The following DAGLA variants were observed in gnomAD, a reference collection of about 807,000 sequenced individuals.
The protein encoded by DAGLA is diacylglycerol lipase-alpha.
In DAGLA, 22 loss-of-function variants were observed where a neutral mutation model predicts 102.6. The ratio of observed to expected loss-of-function variants is 0.21; its 90% confidence interval spans 0.15 to 0.31. DAGLA has a LOEUF of 0.31. Ranked by LOEUF, DAGLA falls within the 10% of genes least tolerant of loss-of-function variation. DAGLA has a pLI of 1.00. For synonymous variants in DAGLA, 578 were observed against 628.9 expected (o/e 0.92, Z 1.21); for missense variants, 927 against 1,446.6 (o/e 0.64, Z 5.83).
intron 1 of DAGLA, among the ~76,000 whole-genome samples, chr11:61,719,278 G>A (rs945499072): frequency 6.6e-6 from 1 of 152,178 alleles, no homozygotes; most frequent in South Asian, 2.1e-4. Context: ...AGCTGGAAAA[G>A]CTGCATGGCT....
At chr11:61,724,678 G>T (rs905177259) in intron 5 of DAGLA, among the ~76,000 whole-genome samples, 5 of 152,124 alleles carry the variant, frequency 3.3e-5, no homozygotes, top group African/African-American at 9.7e-5. Flanking sequence ...CTGTGGCCAC[G>T]TCCCAGCCCA....
intron 1 of DAGLA, among the ~76,000 whole-genome samples, chr11:61,692,027 A>G (rs1253995114): frequency 6.6e-6 from 1 of 152,140 alleles, no homozygotes; most frequent in Non-Finnish European, 1.5e-5. Context: ...CCAGATGTGC[A>G]TTTCTAACAA....
rs552828851 is a variant in DAGLA at position 61,744,431 on chromosome 11, C to T, written c.3071C>T (p.Pro1024Leu). 18 of 1,603,488 alleles carry T rather than the reference C, an allele frequency of 1.1e-5. No homozygotes were observed. In the African/African-American group the frequency reaches 2.0e-4, roughly 18 times the overall value. ...LAADKIRTST[P>L]TGHGASPAKQ... The stretch of plus-strand genomic sequence containing the variant: ...GCTGACAAGATCCGGACTTCTACCC[C>T]CACTGGCCACGGAGCCAGCCCCGCC... Residue 1024 changes from proline (P) to leucine (L), a missense_variant, in exon 20 of 20, where the codon CCC (proline) becomes CTC (leucine). Pro to Leu is a moderately conservative substitution (Grantham distance 98). Transcript: ENST00000257215.
chr11:61,714,123 G>A (rs894944474), intron 1 of DAGLA, among the ~76,000 whole-genome samples: 3 of 152,176 alleles, frequency 2.0e-5, no homozygotes, highest in African/African-American at 7.2e-5. Flanking sequence ...TAGCAACCGT[G>A]GGGGCCCTTA....
chr11:61,695,049 C>T lies in DAGLA; in HGVS notation c.-45+14545C>T, dbSNP rs570350062. ...GCCCCACGGGCCCTCTCTGTGTACT[C>T]GCAAGCGTGTTTTTCCTAGCCCAGG... is the stretch of plus-strand genomic sequence containing the variant. On this transcript the variant is annotated intron_variant, in intron 1 of 19. Coordinates refer to ENST00000257215, the MANE Select transcript of DAGLA (RefSeq NM_006133.3). 2.6e-5 allele frequency among the ~76,000 whole-genome samples: 4 copies of T among 152,312 alleles called. No individual in the cohort carries two copies. In the South Asian group the frequency reaches 8.3e-4, roughly 32 times the overall value.
Position 61,737,327 on chromosome 11 carries a change from G to T in DAGLA, c.1514+3G>T, listed in dbSNP as rs768318017. ...TCCCCGCCAGGGGGCCTGCTGAGGT[G>T]AGCCATCTGGGGCTTCAGAGTTGGC... On this transcript the variant is annotated splice_donor_region_variant and intron_variant, in intron 14 of 19. Transcript: ENST00000257215. 6.2e-7 allele frequency: 1 copy of T among 1,609,968 alleles called. No homozygotes were observed. Among genetic ancestry groups the T allele is most frequent in the Non-Finnish European group, 8.5e-7 (1 of 1,180,018 alleles).
chr11:61,731,491 GGT>G (rs1268666161), intron 9 of DAGLA, 50 bp downstream of exon 9: 3 of 1,604,710 alleles, frequency 1.9e-6, no homozygotes, highest in Non-Finnish European at 2.5e-6. Context: ...CCTCCCGGGT[GGT>G]GTGTGAGGAA....
At chr11:61,709,455 C>T (rs1362909656) in intron 1 of DAGLA, among the ~76,000 whole-genome samples, 7 of 152,156 alleles carry the variant, frequency 4.6e-5, no homozygotes, top group East Asian at 3.9e-4. Context: ...AGGCTGGTCT[C>T]GAACTCCTGA....
intron 1 of DAGLA, among the ~76,000 whole-genome samples, chr11:61,696,407 G>T (rs1444812769): frequency 1.3e-5 from 2 of 152,254 alleles, no homozygotes; most frequent in East Asian, 3.9e-4. Flanking sequence ...CGTCCGTCAA[G>T]GACACCACCC....
At chr11:61,688,292 G>T (rs561255463) in intron 1 of DAGLA, among the ~76,000 whole-genome samples, 2 of 149,630 alleles carry the variant, frequency 1.3e-5, no homozygotes, top group East Asian at 3.9e-4. Flanking sequence ...TCCAGCCTGG[G>T]TGACAGAGCA....
intron 1 of DAGLA, among the ~76,000 whole-genome samples, chr11:61,692,063 C>T (rs998528072): frequency 1.3e-5 from 2 of 152,152 alleles, no homozygotes; most frequent in African/African-American, 4.8e-5. Context: ...CTGCTGCAGG[C>T]CCTGGAGCAC....
At chr11:61,723,107 C>T (rs2065298033) in intron 4 of DAGLA, 147 bp downstream of exon 4, 2 of 728,146 alleles carry the variant, frequency 2.7e-6, no homozygotes, top group Non-Finnish European at 4.6e-6. Flanking sequence ...AGACTGCTTC[C>T]CTCACCCTTG....
At position 61,728,613 on chromosome 11, in the gene DAGLA, G is replaced by A. The variant is rs534323984; in HGVS notation, c.772-318G>A. Among the ~76,000 whole-genome samples the A allele has an allele frequency of 6.6e-5, 10 of 152,120 alleles. No homozygotes were observed. In the East Asian group the frequency reaches 9.7e-4, roughly 15 times the overall value. ...AGTCGGTCTTCTGCGTGGCCGCTCC[G>A]CCCACCCCACATCCCCACCAGCACA... On this transcript the variant is annotated intron_variant, in intron 7 of 19. Coordinates refer to ENST00000257215, the MANE Select transcript of DAGLA (RefSeq NM_006133.3).
chr11:61,708,923 G>T (rs887468440), intron 1 of DAGLA, among the ~76,000 whole-genome samples: 1 of 152,196 alleles, frequency 6.6e-6, no homozygotes, highest in Non-Finnish European at 1.5e-5. Context: ...TTGTGCTTGG[G>T]TCCAGCTTTG....
In DAGLA at chr11:61,711,427, C is replaced by G. The variant is rs111284409; in HGVS notation, c.-44-8685C>G. On this transcript the variant is annotated intron_variant, in intron 1 of 19. Transcript: ENST00000257215. ...CCTGGTCTGGCCAGAGCCTGGGGGACTCCTTCCACTGTTGGAAAACATTGT... is the reference window on the plus strand; with the variant it reads ...CCTGGTCTGGCCAGAGCCTGGGGGAGTCCTTCCACTGTTGGAAAACATTGT... Among the ~76,000 whole-genome samples, 225 of 152,330 alleles carry G rather than the reference C, an allele frequency of 1.5e-3. 2 individuals carry two copies. The highest frequency in any genetic ancestry group is 5.2e-3 in the African/African-American group (217 of 41,574).
intron 14 of DAGLA, 41 bp from the exon 15 acceptor site, chr11:61,737,646 C>T (rs140598411): frequency 8.9e-6 from 14 of 1,579,894 alleles, no homozygotes; most frequent in Admixed American, 5.0e-5. Flanking sequence ...ACCACCACCC[C>T]GCCCCCTTGG....
At position 61,740,478 on chromosome 11, in the gene DAGLA, G is replaced by A; in HGVS notation, c.1869G>A (p.Glu623=). 1 of 1,613,670 alleles carries A rather than the reference G, an allele frequency of 6.2e-7. No individual in the cohort carries two copies. Among genetic ancestry groups the A allele is most frequent in the Non-Finnish European group, 8.5e-7 (1 of 1,179,904 alleles). Residue 623 remains glutamate (E), a synonymous_variant, in exon 18 of 20, where the codon GAG becomes GAA. Transcript: ENST00000257215. ...PAEQCCCCEQ[E]EPTYFAIWGD... ...TCCCTCTCAGCTGCTGTGAGCAGGA[G>A]GAGCCCACATACTTTGCCATCTGGG...
intron 1 of DAGLA, among the ~76,000 whole-genome samples, chr11:61,713,378 T>C (rs139336506): frequency 4.1e-4 from 62 of 152,302 alleles, no homozygotes; most frequent in Non-Finnish European, 8.1e-4. Flanking sequence ...CTCACAGAAC[T>C]GTTATGAGGA....
chr11:61,743,007 C>T (rs539813795), intron 19 of DAGLA, among the ~76,000 whole-genome samples: 375 of 152,218 alleles, frequency 2.5e-3, no homozygotes, highest in African/African-American at 8.4e-3. Context: ...AGGGACCCCG[C>T]GGCTCAACCC....
Sources: allele counts gnomAD v4.1 joint callset (sites outside exome capture counted in the v4.1 genomes callset), GRCh38; gene constraint gnomAD v4.1.1; transcripts MANE v1.5; gene names NCBI Gene and HGNC (gene_info 2026-07-23, HGNC 2026-07-21).